NCKAP1: variants seen among roughly 807,000 people sequenced by gnomAD.
NCKAP1 encodes NCK associated protein 1.
A neutral mutation model predicts 151.2 loss-of-function variants in NCKAP1; 21 were observed. The observed-to-expected ratio is 0.14, with a 90% CI of 0.10 to 0.20. NCKAP1 has a LOEUF of 0.20. Among genes scored for constraint, NCKAP1 ranks in the 10% least tolerant of loss-of-function variants. The pLI is 1.00. For synonymous variants in NCKAP1, 484 were observed against 451.8 expected (o/e 1.07, Z -0.90); for missense variants, 933 against 1,352.1 (o/e 0.69, Z 4.86).
At chr2:182,935,462 A>G (rs1696854523) in intron 24 of NCKAP1, 87 bp from the exon 25 acceptor site, 2 of 701,342 alleles carry the variant, frequency 2.9e-6, no homozygotes, top group East Asian at 3.1e-5. Context: ...TAAATTTATT[A>G]AAGTAATAAA....
chr2:183,012,355 T>C (rs1169801096), intron 2 of NCKAP1, among the ~76,000 whole-genome samples: 2 of 152,186 alleles, frequency 1.3e-5, no homozygotes, highest in Non-Finnish European at 2.9e-5. Flanking sequence ...GAATACATAC[T>C]GACAGAGGGC....
chr2:182,959,811 G>C (rs1355549528), intron 18 of NCKAP1, among the ~76,000 whole-genome samples: 1 of 152,142 alleles, frequency 6.6e-6, no homozygotes, highest in African/African-American at 2.4e-5. Context: ...ACTGTTTGCA[G>C]GGGACATGAT....
Position 182,970,910 on chromosome 2 carries a change from A to G in NCKAP1, c.1483-3549T>C, listed in dbSNP as rs538281418. Among the ~76,000 whole-genome samples, 4 of 152,344 alleles carry G rather than the reference A, an allele frequency of 2.6e-5. No individual in the cohort carries two copies. In the South Asian group the frequency reaches 8.3e-4, roughly 32 times the overall value. Reference sequence around the variant, plus strand: ...ATCAACCAATTCAGTTTCATGACATAAACTCAACATACAAAAATCAGAGGC... The same window carrying G: ...ATCAACCAATTCAGTTTCATGACATGAACTCAACATACAAAAATCAGAGGC... On this transcript the variant is annotated intron_variant, in intron 15 of 30. Transcript: ENST00000361354.
intron 2 of NCKAP1, among the ~76,000 whole-genome samples, chr2:183,010,999 T>C (rs2105883872): frequency 1.3e-5 from 2 of 152,352 alleles, no homozygotes; most frequent in East Asian, 3.9e-4. Context: ...TTGATAATTA[T>C]ACAGATTTAT....
intron 23 of NCKAP1, 40 bp from the exon 24 acceptor site, chr2:182,942,203 C>T: frequency 6.8e-7 from 1 of 1,470,756 alleles, no homozygotes. Context: ...GCACAGACCT[C>T]TTTGTGTTAA....
intron 2 of NCKAP1, among the ~76,000 whole-genome samples, chr2:183,019,825 C>T (rs1226496673): frequency 6.6e-6 from 1 of 152,062 alleles, no homozygotes; most frequent in Non-Finnish European, 1.5e-5. Context: ...AAACCTCATT[C>T]CTTGGTCCTA....
At chr2:182,999,405 C>T (rs762858140) in intron 6 of NCKAP1, among the ~76,000 whole-genome samples, 2 of 149,612 alleles carry the variant, frequency 1.3e-5, no homozygotes, top group East Asian at 3.9e-4. Flanking sequence ...CTCAACATCA[C>T]TAATCATCAG....
chr2:183,005,218 A>G (rs1207728650), intron 2 of NCKAP1, among the ~76,000 whole-genome samples: 1 of 152,216 alleles, frequency 6.6e-6, no homozygotes, highest in Non-Finnish European at 1.5e-5. Flanking sequence ...CATTCATAAT[A>G]GTAAGATATG....
chr2:183,037,741 G>A (rs1699131534), intron 1 of NCKAP1, among the ~76,000 whole-genome samples: 1 of 151,924 alleles, frequency 6.6e-6, no homozygotes, highest in Non-Finnish European at 1.5e-5. Flanking sequence ...GAGGCCCAGC[G>A]CCCGATCCCG....
At chr2:182,945,606 C>A (rs1183903925) in intron 23 of NCKAP1, among the ~76,000 whole-genome samples, 5 of 152,150 alleles carry the variant, frequency 3.3e-5, no homozygotes, top group African/African-American at 2.4e-5. Context: ...AATTAATGTT[C>A]ATATTCTTTG....
chr2:182,934,852 A>C lies in NCKAP1; in HGVS notation c.2779-20T>G, dbSNP rs1696840987. 8.6e-7 allele frequency: 1 copy of C among 1,159,256 alleles called. No homozygotes were observed. The highest frequency in any genetic ancestry group is 1.6e-5 in the South Asian group (1 of 63,074). 71.8% of individuals were successfully genotyped at this position (1,159,256 alleles called of 1,614,324 possible). A position where few individuals can be genotyped will look rare whatever the true frequency, so the allele number is the denominator to read the frequency against. Reference sequence around the variant, plus strand: ...TAAGACCTAGGCAGGATAACAAATAAGAATACAGAATTATTTTTAAATGGC... The same window carrying C: ...TAAGACCTAGGCAGGATAACAAATACGAATACAGAATTATTTTTAAATGGC... On this transcript the variant is annotated intron_variant, in intron 25 of 30. Transcript: ENST00000361354.
In NCKAP1 at chr2:182,913,162, G is replaced by C. The variant is rs1359475026; in HGVS notation, c.*12540C>G. ...TCCTCCACTATATTATAAGCTCTGT[G>C]ACATCAAGGACCAAATCTGGTTCAT... On this transcript the variant is annotated 3_prime_UTR_variant, in exon 31 of 31. Transcript: ENST00000361354. The C allele has an allele frequency of 6.6e-6, 1 of 152,166 alleles. No homozygotes were observed. The highest frequency in any genetic ancestry group is 1.5e-5 in the Non-Finnish European group (1 of 68,026). The allele number at this position is 152,166 out of a possible 1,614,324, so 9.4% of individuals were successfully genotyped here.
At chr2:182,974,351 A>G (rs1157806132) in intron 15 of NCKAP1, among the ~76,000 whole-genome samples, 1 of 151,822 alleles carries the variant, frequency 6.6e-6, no homozygotes, top group Non-Finnish European at 1.5e-5. Context: ...AATGTTATGC[A>G]TTGAATTGTA....
At chr2:182,939,039 A>G (rs1696940885) in intron 24 of NCKAP1, among the ~76,000 whole-genome samples, 1 of 152,254 alleles carries the variant, frequency 6.6e-6, no homozygotes, top group Non-Finnish European at 1.5e-5. Flanking sequence ...ATAGGTTTGT[A>G]GATGATGGCA....
In NCKAP1 at chr2:182,922,736, G is replaced by A. The variant is rs1178104359; in HGVS notation, c.*2966C>T. ...ACCATCAGAAGTTTGCTCATGGCTG[G>A]GCGTGGTGGCTCATGCCTGTAATCC... On this transcript the variant is annotated 3_prime_UTR_variant, in exon 31 of 31. Coordinates refer to ENST00000361354, the MANE Select transcript of NCKAP1 (RefSeq NM_013436.5). 1 of 152,470 alleles carries A rather than the reference G, an allele frequency of 6.6e-6. No individual in the cohort carries two copies. Among genetic ancestry groups the A allele is most frequent in the Admixed American group, 6.5e-5 (1 of 15,268 alleles). 9.4% of individuals were successfully genotyped at this position (152,470 alleles called of 1,614,324 possible). A position where few individuals can be genotyped will look rare whatever the true frequency, so the allele number is the denominator to read the frequency against.
chr2:183,020,464 C>CAAAAA (rs1179083096), intron 2 of NCKAP1, among the ~76,000 whole-genome samples: 2 of 71,594 alleles, frequency 2.8e-5, no homozygotes, highest in African/African-American at 1.0e-4. Context: ...GACCGTGTCC[C>CAAAAA]AAAAAAAAAA....
intron 18 of NCKAP1, among the ~76,000 whole-genome samples, chr2:182,957,799 C>A (rs2105827850): frequency 6.6e-6 from 1 of 152,146 alleles, no homozygotes; most frequent in East Asian, 1.9e-4. Context: ...ACGGGTAGAT[C>A]TTGGGTAAAT....
intron 12 of NCKAP1, 71 bp downstream of exon 12, chr2:182,982,750 G>C (rs1697965775): frequency 1.0e-6 from 1 of 983,364 alleles, no homozygotes; most frequent in Non-Finnish European, 1.5e-6. Context: ...AGGTCTATCA[G>C]GACATAACCC....
intron 11 of NCKAP1, 102 bp downstream of exon 11, chr2:182,983,184 T>C (rs1057359928): frequency 1.1e-6 from 1 of 932,072 alleles, no homozygotes; most frequent in Non-Finnish European, 1.6e-6. Context: ...TAAAAATCCT[T>C]TTATGTAGTC....
Sources: allele counts gnomAD v4.1 joint callset (sites outside exome capture counted in the v4.1 genomes callset), GRCh38; gene constraint gnomAD v4.1.1; transcripts MANE v1.5; gene names NCBI Gene and HGNC (gene_info 2026-07-23, HGNC 2026-07-21).